SORCS3: variants seen among roughly 807,000 people sequenced by gnomAD.
SORCS3 encodes the protein VPS10 domain-containing receptor SorCS3.
Under a neutral mutation model 146.3 loss-of-function variants are expected in SORCS3, and 57 were observed. That is an observed-to-expected ratio of 0.39 (90% CI 0.31 to 0.49). SORCS3 has a LOEUF of 0.49. Among genes scored for constraint, SORCS3 ranks in the 20% least tolerant of loss-of-function variants. SORCS3 has a pLI of 0.92. For missense variants in SORCS3, 1,341 were observed against 1,575.5 expected, an observed-to-expected ratio of 0.85 and a Z score of 2.52; for synonymous variants, 653 against 618.5, an observed-to-expected ratio of 1.06 and a Z score of -0.83.
chr10:104,884,129 A>G (rs184126729), intron 2 of SORCS3, among the ~76,000 whole-genome samples: 2 of 152,342 alleles, frequency 1.3e-5, no homozygotes, highest in East Asian at 1.9e-4. Flanking sequence ...ATTCAAGTTT[A>G]AATTTCTAAA....
intron 2 of SORCS3, among the ~76,000 whole-genome samples, chr10:104,884,546 G>T (rs2018662713): frequency 1.3e-5 from 2 of 152,168 alleles, no homozygotes; most frequent in Admixed American, 1.3e-4. Flanking sequence ...TTTTCAACTG[G>T]ATGAGTATTT....
At chr10:105,053,881 G>T (rs534856762) in intron 5 of SORCS3, among the ~76,000 whole-genome samples, 1 of 151,900 alleles carries the variant, frequency 6.6e-6, no homozygotes, top group Admixed American at 6.6e-5. Flanking sequence ...TGATTATTAT[G>T]ATTTTTTTAG....
At chr10:104,667,345 C>A (rs927262346) in intron 1 of SORCS3, among the ~76,000 whole-genome samples, 18 of 152,170 alleles carry the variant, frequency 1.2e-4, no homozygotes, top group African/African-American at 4.1e-4. Context: ...TGTCTTCTCC[C>A]TTCTCCTGAG....
At chr10:104,700,651 G>T (rs778512102) in intron 1 of SORCS3, among the ~76,000 whole-genome samples, 26 of 147,200 alleles carry the variant, frequency 1.8e-4, no homozygotes, top group Non-Finnish European at 3.0e-4. Context: ...ACATGGGCCA[G>T]ACTAAAGTGG....
At chr10:104,924,201 T>C (rs928105960) in intron 3 of SORCS3, among the ~76,000 whole-genome samples, 6 of 152,152 alleles carry the variant, frequency 3.9e-5, no homozygotes, top group African/African-American at 9.7e-5. Context: ...CAGACCCTCA[T>C]TGAACAGAAG....
chr10:104,689,211 T>C (rs993493549), intron 1 of SORCS3, among the ~76,000 whole-genome samples: 12 of 152,338 alleles, frequency 7.9e-5, no homozygotes, highest in Admixed American at 7.8e-4. Flanking sequence ...CCTTCACACC[T>C]CCAGGACTGT....
chr10:104,686,354 G>A (rs2016043465), intron 1 of SORCS3, among the ~76,000 whole-genome samples: 1 of 152,142 alleles, frequency 6.6e-6, no homozygotes, highest in Non-Finnish European at 1.5e-5. Context: ...GGGGGCAGGA[G>A]CACAGGGAAT....
intron 20 of SORCS3, among the ~76,000 whole-genome samples, chr10:105,227,559 C>G (rs1273650251): frequency 6.6e-6 from 1 of 152,014 alleles, no homozygotes; most frequent in Non-Finnish European, 1.5e-5. Context: ...TCTGTTAGGT[C>G]CATTTGGTCT....
chr10:105,180,296 T>C (rs1024792213), intron 14 of SORCS3, among the ~76,000 whole-genome samples: 1 of 152,176 alleles, frequency 6.6e-6, no homozygotes, highest in Non-Finnish European at 1.5e-5. Flanking sequence ...AGTTCACAAG[T>C]GGAAAACCAT....
At chr10:104,919,325 C>T (rs11192231) in intron 3 of SORCS3, among the ~76,000 whole-genome samples, 13,162 of 152,086 alleles carry the variant, frequency 0.087, 740 homozygotes, top group South Asian at 0.25. Flanking sequence ...ACATTTTCTT[C>T]ACTCAGATTG....
intron 3 of SORCS3, among the ~76,000 whole-genome samples, chr10:104,956,854 A>T (rs1044666649): frequency 6.6e-6 from 1 of 152,104 alleles, no homozygotes; most frequent in African/African-American, 2.4e-5. Flanking sequence ...AAGACCACCG[A>T]CTTATTCTGT....
intron 16 of SORCS3, 60 bp downstream of exon 16, chr10:105,201,313 G>A: frequency 1.3e-6 from 2 of 1,556,338 alleles, no homozygotes; most frequent in African/African-American, 1.4e-5. Flanking sequence ...CTGTGGGGTG[G>A]GGTGGGGTGA....
intron 14 of SORCS3, among the ~76,000 whole-genome samples, chr10:105,178,500 T>G (rs577461939): frequency 6.6e-6 from 1 of 152,138 alleles, no homozygotes; most frequent in Admixed American, 6.6e-5. Flanking sequence ...CAAAACAGTC[T>G]AGTGGGAGAT....
intron 4 of SORCS3, among the ~76,000 whole-genome samples, chr10:104,984,268 C>A (rs2054949375): frequency 6.6e-6 from 1 of 151,814 alleles, no homozygotes; most frequent in African/African-American, 2.4e-5. Context: ...TTCAGTAATC[C>A]CAGTTAATCA....
At chr10:104,869,452 A>G (rs1053843585) in intron 2 of SORCS3, among the ~76,000 whole-genome samples, 1 of 152,210 alleles carries the variant, frequency 6.6e-6, no homozygotes, top group Non-Finnish European at 1.5e-5. Flanking sequence ...GAAGAGGGCC[A>G]TGTGCCTGAC....
At chr10:104,816,194 G>C (rs553049206) in intron 1 of SORCS3, among the ~76,000 whole-genome samples, 3 of 152,130 alleles carry the variant, frequency 2.0e-5, no homozygotes, top group Non-Finnish European at 4.4e-5. Context: ...TACAGTATTC[G>C]CAGGAGGATA....
chr10:105,131,239 G>A (rs1446081517), intron 7 of SORCS3, among the ~76,000 whole-genome samples: 1 of 152,146 alleles, frequency 6.6e-6, no homozygotes, highest in Non-Finnish European at 1.5e-5. Flanking sequence ...AAAGTCAATT[G>A]TGCATCGTAA....
intron 1 of SORCS3, among the ~76,000 whole-genome samples, chr10:104,793,978 A>T (rs377334465): frequency 2.0e-5 from 3 of 152,210 alleles, no homozygotes; most frequent in African/African-American, 7.2e-5. Flanking sequence ...TTTAAGAGGC[A>T]GAGTGTGGCA....
intron 1 of SORCS3, among the ~76,000 whole-genome samples, chr10:104,643,672 G>A (rs1464106056): frequency 6.6e-6 from 1 of 151,370 alleles, no homozygotes; most frequent in Non-Finnish European, 1.5e-5. Context: ...GACAGCAGGG[G>A]TTGTGAATCC....
Sources: allele counts gnomAD v4.1 joint callset (sites outside exome capture counted in the v4.1 genomes callset), GRCh38; gene constraint gnomAD v4.1.1; transcripts MANE v1.5; gene names NCBI Gene and HGNC (gene_info 2026-07-23, HGNC 2026-07-21).